ELL2: variants seen among roughly 807,000 people sequenced by gnomAD.
ELL2 encodes elongation factor for RNA polymerase II 2.
In ELL2, 21 loss-of-function variants were observed where a neutral mutation model predicts 72.8. That is an observed-to-expected ratio of 0.29 (90% CI 0.20 to 0.42). ELL2 has a LOEUF of 0.42. Among genes scored for constraint, ELL2 ranks in the 10% least tolerant of loss-of-function variants. The pLI, the probability that ELL2 is intolerant of heterozygous loss-of-function variation, is 1.00. For synonymous variants in ELL2, 266 were observed against 283.2 expected, an observed-to-expected ratio of 0.94 and a Z score of 0.61; for missense variants, 568 against 772.8, an observed-to-expected ratio of 0.73 and a Z score of 3.14.
chr5:95,921,736 A>G (rs1365028983), intron 2 of ELL2, among the ~76,000 whole-genome samples: 1 of 152,220 alleles, frequency 6.6e-6, no homozygotes, highest in East Asian at 1.9e-4. Flanking sequence ...CTCTGGGAAG[A>G]GCAGGGTTCT....
At chr5:95,942,709 A>AT (rs1018801523) in intron 2 of ELL2, among the ~76,000 whole-genome samples, 2 of 152,250 alleles carry the variant, frequency 1.3e-5, no homozygotes, top group Non-Finnish European at 2.9e-5. Context: ...ACATACTCAC[A>AT]TAATACCTTG....
intron 2 of ELL2, among the ~76,000 whole-genome samples, chr5:95,920,917 A>ACT (rs35416491): frequency 0.37 from 56,668 of 151,964 alleles, 11,870 homozygotes; most frequent in African/African-American, 0.58. Flanking sequence ...TAAGATGAAG[A>ACT]CAGCACTAAC....
intron 8 of ELL2, among the ~76,000 whole-genome samples, chr5:95,896,106 G>C (rs888516034): frequency 6.6e-6 from 1 of 152,232 alleles, no homozygotes; most frequent in Admixed American, 6.5e-5. Flanking sequence ...TGAGACAATA[G>C]AGTCAGGTAG....
Position 95,891,154 on chromosome 5 carries a change from G to A in ELL2, c.1710C>T (p.Ile570=), listed in dbSNP as rs1748647228. The part of the protein sequence containing the change: ...ARMETVARRF[I]KLDAQRKRLS... ...GGCGCTTTCTTTGTGCATCTAGTTT[G>A]ATAAATCTTCTAGCTACAGTCTCCA... is the stretch of plus-strand genomic sequence containing the variant. Residue 570 remains isoleucine (I), a synonymous_variant, in exon 10 of 12, where the codon ATC becomes ATT. Transcript: ENST00000237853. 1 of 1,614,008 alleles carries A rather than the reference G, an allele frequency of 6.2e-7. No homozygotes were observed. The highest frequency in any genetic ancestry group is 8.5e-7 in the Non-Finnish European group (1 of 1,180,034).
rs541427784 is a variant in ELL2 at position 95,915,648 on chromosome 5, G to A, written c.318-1714C>T. 3.3e-5 allele frequency among the ~76,000 whole-genome samples: 5 copies of A among 152,288 alleles called. No individual in the cohort carries two copies. The South Asian group carries it at 8.3e-4, about 25-fold the overall frequency. On this transcript the variant is annotated intron_variant, in intron 3 of 11. Coordinates refer to ENST00000237853, the MANE Select transcript of ELL2 (RefSeq NM_012081.6). The stretch of plus-strand genomic sequence containing the variant: ...GTGTGACAAATTCCAGGGAGCAGAG[G>A]ACTCCCAGAAAGGTAATCTCACCTG...
At chr5:95,960,994 G>T (rs1195614647) in intron 1 of ELL2, among the ~76,000 whole-genome samples, 1 of 151,848 alleles carries the variant, frequency 6.6e-6, no homozygotes, top group East Asian at 1.9e-4. Flanking sequence ...ATGCGCCCGA[G>T]TCCCCATCCC....
At chr5:95,952,296 C>T (rs1580539186) in intron 1 of ELL2, among the ~76,000 whole-genome samples, 1 of 152,128 alleles carries the variant, frequency 6.6e-6, no homozygotes, top group East Asian at 1.9e-4. Flanking sequence ...GACACTAGGG[C>T]CTACTTTGAG....
chr5:95,895,588 A>C (rs762948974), intron 9 of ELL2, 40 bp downstream of exon 9: 1 of 1,572,394 alleles, frequency 6.4e-7, no homozygotes, highest in Non-Finnish European at 8.7e-7. Context: ...AACTTTCTAA[A>C]ATTAAGCCGC....
Position 95,951,788 on chromosome 5 carries a change from A to C in ELL2, c.148-8739T>G, listed in dbSNP as rs376459820. Reference sequence around the variant, plus strand: ...GGCCACCTCGAAGTTTATGGCAGTGATCCTGAGGAGAGATGATGGTAACTG... The same window carrying C: ...GGCCACCTCGAAGTTTATGGCAGTGCTCCTGAGGAGAGATGATGGTAACTG... On this transcript the variant is annotated intron_variant, in intron 1 of 11. Transcript: ENST00000237853. 1.8e-4 allele frequency among the ~76,000 whole-genome samples: 28 copies of C among 152,326 alleles called. No individual in the cohort carries two copies. The South Asian group carries it at 4.1e-3, about 23-fold the overall frequency.
chr5:95,901,871 T>A (rs759912790), intron 5 of ELL2, among the ~76,000 whole-genome samples: 4 of 152,198 alleles, frequency 2.6e-5, no homozygotes, highest in Non-Finnish European at 5.9e-5. Flanking sequence ...AAAGGGATGA[T>A]TCACATCCTG....
intron 9 of ELL2, among the ~76,000 whole-genome samples, chr5:95,893,735 CT>C (rs1011111520): frequency 6.6e-6 from 1 of 152,142 alleles, no homozygotes; most frequent in Non-Finnish European, 1.5e-5. Context: ...TATGAGGCAA[CT>C]TAAGTTCTGT....
intron 4 of ELL2, among the ~76,000 whole-genome samples, chr5:95,911,597 C>T (rs963605811): frequency 2.6e-5 from 4 of 152,190 alleles, no homozygotes; most frequent in South Asian, 2.1e-4. Flanking sequence ...CTGCCCGCCT[C>T]GGCCTCCCAA....
chr5:95,924,024 A>G (rs1171202779), intron 2 of ELL2, among the ~76,000 whole-genome samples: 1 of 152,178 alleles, frequency 6.6e-6, no homozygotes, highest in Non-Finnish European at 1.5e-5. Flanking sequence ...ATATATGACA[A>G]TTAGGGCAGG....
In ELL2 at chr5:95,885,283, G is replaced by C. The variant is rs1373965866; in HGVS notation, c.*3588C>G. On this transcript the variant is annotated 3_prime_UTR_variant, in exon 12 of 12. Transcript: ENST00000237853. ...AACACCTCAAAATAGTTTGAAATGA[G>C]CCTCACAGCCTTGTTCAATCTTCAG... 6.6e-6 allele frequency: 1 copy of C among 152,150 alleles called. No individual in the cohort carries two copies. The highest frequency in any genetic ancestry group is 1.5e-5 in the Non-Finnish European group (1 of 68,036). The allele number at this position is 152,150 out of a possible 1,614,324, so 9.4% of individuals were successfully genotyped here.
At chr5:95,924,364 G>C (rs1464898508) in intron 2 of ELL2, among the ~76,000 whole-genome samples, 1 of 152,216 alleles carries the variant, frequency 6.6e-6, no homozygotes, top group Non-Finnish European at 1.5e-5. Context: ...TTTGAGGACT[G>C]AGGTAACCAC....
intron 4 of ELL2, among the ~76,000 whole-genome samples, chr5:95,910,517 T>C (rs1749548611): frequency 6.6e-6 from 1 of 152,168 alleles, no homozygotes; most frequent in South Asian, 2.1e-4. Flanking sequence ...AAAATATTAC[T>C]GGAAGATAAT....
chr5:95,919,917 G>A (rs896038983), intron 2 of ELL2, among the ~76,000 whole-genome samples: 1 of 152,052 alleles, frequency 6.6e-6, no homozygotes, highest in Admixed American at 6.6e-5. Context: ...TTTGTCTTTG[G>A]CTTACATGAC....
rs995507283 is a variant in ELL2 at position 95,893,546 on chromosome 5, C to T, written c.1589+2082G>A. Among the ~76,000 whole-genome samples the T allele has an allele frequency of 2.0e-5, 3 of 152,056 alleles. No homozygotes were observed. The East Asian group carries it at 5.8e-4, about 29-fold the overall frequency. ...AACCACAGGCACCCGCCACCACGCT[C>T]GACTAATTTTTTGTATTTTTAGTAG... is the stretch of plus-strand genomic sequence containing the variant. On this transcript the variant is annotated intron_variant, in intron 9 of 11. Coordinates refer to ENST00000237853, the MANE Select transcript of ELL2 (RefSeq NM_012081.6).
At chr5:95,919,647 C>G (rs1197034113) in intron 2 of ELL2, 102 bp from the exon 3 acceptor site, 1 of 1,390,620 alleles carries the variant, frequency 7.2e-7, no homozygotes, top group African/African-American at 1.5e-5. Flanking sequence ...TCATTTTAGA[C>G]CTAAGCCCTT....
Sources: gnomAD v4.1 joint callset for allele counts (sites outside exome capture counted in the v4.1 genomes callset) on GRCh38, gnomAD v4.1.1 for gene constraint, MANE v1.5 for transcripts, NCBI Gene and HGNC (gene_info 2026-07-23, HGNC 2026-07-21) for gene names.